RARB: variants seen among roughly 807,000 people sequenced by gnomAD.
RARB encodes retinoic acid receptor beta.
In RARB, 17 loss-of-function variants were observed where a neutral mutation model predicts 51.9. The ratio of observed to expected loss-of-function variants is 0.33; its 90% CI spans 0.22 to 0.49. RARB has a LOEUF of 0.49. RARB is among the 20% of genes least tolerant of loss of function. RARB has a pLI of 0.99. For missense variants in RARB, 369 were observed against 550.8 expected, an observed-to-expected ratio of 0.67 and a Z score of 3.30; for synonymous variants, 215 against 195.4, an observed-to-expected ratio of 1.10 and a Z score of -0.84.
rs1695576451 is a variant in RARB, at chr3:24,937,772, G to A, written c.-380+79020G>A. On this transcript the variant is annotated intron_variant, in intron 2 of 11. Coordinates refer to the RARB transcript ENST00000383772. ...GTGGGTGGAGCGAGTTGGGCCCACAGATATTGTTTGGCATGCAGAGTTTTT... is the reference window on the plus strand; with the variant it reads ...GTGGGTGGAGCGAGTTGGGCCCACAAATATTGTTTGGCATGCAGAGTTTTT... Among the ~76,000 whole-genome samples the A allele has an allele frequency of 3.9e-5, 6 of 152,092 alleles. No homozygotes were observed. The South Asian group carries it at 1.2e-3, about 32-fold the overall frequency.
At position 24,992,216 on chromosome 3, in the gene RARB, G is replaced by A. The variant is rs566064083; in HGVS notation, c.-379-67909G>A. On this transcript the variant is annotated intron_variant, in intron 2 of 11. Coordinates refer to the RARB transcript ENST00000383772. ...GTTATTTTATAATAAGTAATCCTGC[G>A]TTTTGAGCTAAATATACTGGATTTT... Among the ~76,000 whole-genome samples, 161 of 152,210 alleles carry A rather than the reference G, an allele frequency of 1.1e-3. 1 individual carries two copies. The highest frequency in any genetic ancestry group is 3.4e-3 in the Middle Eastern group (1 of 294).
intron 2 of RARB, among the ~76,000 whole-genome samples, chr3:25,479,286 G>T (rs1325343753): frequency 1.3e-5 from 2 of 152,096 alleles, no homozygotes; most frequent in African/African-American, 4.8e-5. Context: ...TGTGTTCATT[G>T]GTTTCAGTAT....
intron 3 of RARB, among the ~76,000 whole-genome samples, chr3:25,089,260 G>A (rs1699156853): frequency 6.6e-6 from 1 of 151,706 alleles, no homozygotes; most frequent in African/African-American, 2.4e-5. Flanking sequence ...TATTTCAGTA[G>A]CATGCACAGA....
At chr3:24,922,297 G>A (rs974863963) in intron 2 of RARB, among the ~76,000 whole-genome samples, 78 of 152,262 alleles carry the variant, frequency 5.1e-4, no homozygotes, top group African/African-American at 1.6e-3. Flanking sequence ...AGAACTGCAC[G>A]TTGGAGAAAA....
chr3:25,463,898 G>A (rs1198098294), intron 2 of RARB, among the ~76,000 whole-genome samples: 1 of 152,120 alleles, frequency 6.6e-6, no homozygotes, highest in Non-Finnish European at 1.5e-5. Flanking sequence ...ATGGTAGTCA[G>A]GAAAGTTATA....
rs148520103 is a variant in RARB at position 25,350,406 on chromosome 3, T to C, written c.179-110787T>C. 9.0e-4 allele frequency among the ~76,000 whole-genome samples: 137 copies of C among 152,280 alleles called. 1 individual carries two copies. Among genetic ancestry groups the C allele is most frequent in the African/African-American group, 2.9e-3 (120 of 41,580 alleles). ...ACAATAGTGCTTCCCAAAGAGGGAA[T>C]AGTGGCTTTGACTTTAGTTGAGAGG... On this transcript the variant is annotated intron_variant, in intron 5 of 11. Transcript: ENST00000383772.
At chr3:25,065,877 C>G (rs1372122763) in intron 3 of RARB, among the ~76,000 whole-genome samples, 2 of 152,112 alleles carry the variant, frequency 1.3e-5, no homozygotes, top group Non-Finnish European at 2.9e-5. Flanking sequence ...GATTTTAACA[C>G]TTTGATGACT....
chr3:25,485,623 C>T (rs1276543251), intron 2 of RARB, among the ~76,000 whole-genome samples: 2 of 152,148 alleles, frequency 1.3e-5, no homozygotes, highest in Non-Finnish European at 2.9e-5. Context: ...TTACACGGCC[C>T]ATCTGGAGTC....
At chr3:25,039,038 C>G (rs1271397985) in intron 2 of RARB, among the ~76,000 whole-genome samples, 2 of 152,324 alleles carry the variant, frequency 1.3e-5, no homozygotes, top group African/African-American at 4.8e-5. Context: ...AAAGTAAACT[C>G]TGAAGTTATT....
At chr3:24,971,225 A>T (rs1462047596) in intron 2 of RARB, among the ~76,000 whole-genome samples, 1 of 152,004 alleles carries the variant, frequency 6.6e-6, no homozygotes, top group South Asian at 2.1e-4. Flanking sequence ...AAACAAATCT[A>T]TGAAATGGTT....
chr3:25,280,256 T>G (rs557182903), intron 5 of RARB, among the ~76,000 whole-genome samples: 1 of 152,184 alleles, frequency 6.6e-6, no homozygotes, highest in Non-Finnish European at 1.5e-5. Flanking sequence ...CAGATTCTTT[T>G]CTCTGACCCT....
intron 5 of RARB, among the ~76,000 whole-genome samples, chr3:25,381,287 G>A (rs1249273489): frequency 6.6e-6 from 1 of 152,260 alleles, no homozygotes; most frequent in East Asian, 1.9e-4. Context: ...ATTAGCCCAG[G>A]GATGAGGATA....
At chr3:25,478,407 T>C (rs1207762802) in intron 2 of RARB, among the ~76,000 whole-genome samples, 1 of 152,236 alleles carries the variant, frequency 6.6e-6, no homozygotes, top group Non-Finnish European at 1.5e-5. Flanking sequence ...TGGCTTGTTC[T>C]TGAGAGCCTG....
In RARB at chr3:25,596,496, T is replaced by C; in HGVS notation, c.1227T>C (p.Asn409=). 1 of 1,613,574 alleles carries C rather than the reference T, an allele frequency of 6.2e-7. No individual in the cohort carries two copies. The highest frequency in any genetic ancestry group is 8.5e-7 in the Non-Finnish European group (1 of 1,179,544). ...MPPLIQEMLE[N]SEGHEPLTPS... The stretch of plus-strand genomic sequence containing the variant: ...CTCTCATTCAAGAAATGCTGGAGAA[T>C]TCTGAAGGACATGAACCCTTGACCC... Residue 409 remains asparagine (N), a synonymous_variant, in exon 8 of 8, where the codon AAT becomes AAC. Coordinates refer to ENST00000330688, the MANE Select transcript of RARB (RefSeq NM_000965.5).
At chr3:25,162,267 C>T (rs1165178309) in intron 4 of RARB, among the ~76,000 whole-genome samples, 2 of 152,030 alleles carry the variant, frequency 1.3e-5, no homozygotes, top group Non-Finnish European at 2.9e-5. Flanking sequence ...CCATGCCTGG[C>T]TAAATTTTTT....
At chr3:25,174,277 T>C in exon 5 of RARB, 1 of 806,710 alleles carries the variant, frequency 1.2e-6, no homozygotes, top group Non-Finnish European at 1.8e-6. Flanking sequence ...CATCTTGACT[T>C]TGGCCCAGAA....
chr3:24,997,029 G>A (rs1021601924), intron 2 of RARB, among the ~76,000 whole-genome samples: 5 of 152,044 alleles, frequency 3.3e-5, no homozygotes, highest in African/African-American at 1.2e-4. Context: ...CTATCTACAC[G>A]ATCCGTCGAA....
intron 2 of RARB, among the ~76,000 whole-genome samples, chr3:24,897,718 C>A (rs1038839397): frequency 6.7e-6 from 1 of 149,996 alleles, no homozygotes; most frequent in Non-Finnish European, 1.5e-5. Flanking sequence ...CAGAAACCAT[C>A]ACAGTATTTT....
intron 2 of RARB, chr3:25,020,141 TA>T (rs1697601036): frequency 1.7e-4 from 9 of 52,996 alleles, no homozygotes; most frequent in South Asian, 1.1e-3. Context: ...TTATTATTAT[TA>T]TTATTATTAT....
Sources: allele counts gnomAD v4.1 joint callset (sites outside exome capture counted in the v4.1 genomes callset), GRCh38; gene constraint gnomAD v4.1.1; transcripts MANE v1.5; gene names NCBI Gene and HGNC (gene_info 2026-07-23, HGNC 2026-07-21).